Variants in ICA1 observed in about 807,000 individuals in gnomAD.
ICA1 encodes islet cell autoantigen 1.
In ICA1, 40 loss-of-function variants were observed where a neutral mutation model predicts 71.0. The ratio of observed to expected loss-of-function variants is 0.56; its 90% CI spans 0.44 to 0.73. ICA1 has a LOEUF of 0.73. Among genes scored for constraint, ICA1 ranks in the 30% least tolerant of loss-of-function variants. ICA1 has a pLI of 0.00. For synonymous variants in ICA1, 207 were observed against 209.5 expected (o/e 0.99, Z 0.10); for missense variants, 578 against 576.5 (o/e 1.00, Z -0.03).
At chr7:8,229,561 C>A (rs1799627975) in intron 3 of ICA1, among the ~76,000 whole-genome samples, 1 of 152,182 alleles carries the variant, frequency 6.6e-6, no homozygotes, top group Non-Finnish European at 1.5e-5. Context: ...TTCCCTCTTT[C>A]TCTCTCCTAG....
intron 6 of ICA1, 56 bp downstream of exon 6, chr7:8,218,249 C>T (rs1267667499): frequency 3.4e-6 from 5 of 1,465,180 alleles, no homozygotes; most frequent in African/African-American, 2.8e-5. Flanking sequence ...ATTCAAATCA[C>T]ACCTCATTAC....
At chr7:8,236,338 G>A (rs1206624162) in intron 1 of ICA1, among the ~76,000 whole-genome samples, 3 of 152,186 alleles carry the variant, frequency 2.0e-5, no homozygotes, top group African/African-American at 7.2e-5. Flanking sequence ...ATAAGGTGAA[G>A]GTATAAAGAA....
At chr7:8,237,558 T>C (rs1012579292) in intron 1 of ICA1, among the ~76,000 whole-genome samples, 2 of 152,156 alleles carry the variant, frequency 1.3e-5, no homozygotes, top group East Asian at 3.8e-4. Flanking sequence ...TCATCTTGCA[T>C]GATGGAAATT....
rs770492846 is a variant in ICA1, at chr7:8,113,997, C to T, written c.1378G>A (p.Ala460Thr). The T allele has an allele frequency of 3.7e-6, 6 of 1,614,048 alleles. No individual in the cohort carries two copies. The highest frequency in any genetic ancestry group is 3.4e-6 in the Non-Finnish European group (4 of 1,179,972). Residue 460 changes from alanine to threonine, a missense_variant, in exon 14 of 14, where the codon GCT becomes ACT. By Grantham distance (58) the Ala-to-Thr change is moderately conservative. Transcript: ENST00000402384. The surrounding 1 kb of genome is among the most constrained non-coding windows in gnomAD (Gnocchi z 4.2). Reference sequence around the variant, plus strand: ...GGATTTGAGAGTGGGTCGAGGTCAGCGAAGAGGCTGAACCAGGCAGTCAGG... The same window carrying T: ...GGATTTGAGAGTGGGTCGAGGTCAGTGAAGAGGCTGAACCAGGCAGTCAGG... ...SDLTAWFSLF[A>T]DLDPLSNPDA...
intron 1 of ICA1, among the ~76,000 whole-genome samples, chr7:8,242,252 T>C (rs955304186): frequency 6.6e-6 from 1 of 152,172 alleles, no homozygotes; most frequent in African/African-American, 2.4e-5. Context: ...GAATTCAGGA[T>C]TAAGAAACTC....
intron 6 of ICA1, among the ~76,000 whole-genome samples, chr7:8,186,122 C>T (rs1783833345): frequency 6.6e-6 from 1 of 152,122 alleles, no homozygotes; most frequent in African/African-American, 2.4e-5. Flanking sequence ...AAAGGGGAAG[C>T]TTGTGGATAG....
chr7:8,258,397 G>C (rs1810984372), intron 1 of ICA1, among the ~76,000 whole-genome samples: 1 of 152,204 alleles, frequency 6.6e-6, no homozygotes, highest in South Asian at 2.1e-4. Context: ...TTCCCATCAT[G>C]AGTGATGCAG....
intron 1 of ICA1, among the ~76,000 whole-genome samples, chr7:8,237,896 C>T (rs987243581): frequency 6.6e-6 from 1 of 151,810 alleles, no homozygotes; most frequent in African/African-American, 2.4e-5. Context: ...ATTTAGGTTG[C>T]TTTCACATCT....
chr7:8,227,605 CTTTTTT>C, intron 4 of ICA1: 7 of 311,784 alleles, frequency 2.2e-5, no homozygotes, highest in Non-Finnish European at 2.4e-5. Flanking sequence ...AAGTAGTTGT[CTTTTTT>C]TTTTTTTTTT....
At chr7:8,128,492 C>T (rs555151092) in intron 12 of ICA1, among the ~76,000 whole-genome samples, 7 of 152,142 alleles carry the variant, frequency 4.6e-5, no homozygotes, top group South Asian at 2.1e-4. Flanking sequence ...TCCTTGTTTG[C>T]ATAGCTTCCC....
Position 8,173,994 on chromosome 7 carries a change from A to G in ICA1, c.580-15342T>C, listed in dbSNP as rs376170752. Among the ~76,000 whole-genome samples the G allele has an allele frequency of 1.1e-3, 162 of 152,236 alleles. 5 individuals carry two copies. The South Asian group carries it at 0.031, about 29-fold the overall frequency. On this transcript the variant is annotated intron_variant, in intron 6 of 13. Coordinates refer to ENST00000402384, the MANE Select transcript of ICA1 (RefSeq NM_001136020.3). The surrounding 1 kb of genome is among the most constrained non-coding windows in gnomAD (Gnocchi z 4.0). Reference sequence around the variant, plus strand: ...AGAAAGATATGAGTGCAGGGTTTGGAGGGGTAGTAGAGGATTCTGTTTCAT... The same window carrying G: ...AGAAAGATATGAGTGCAGGGTTTGGGGGGGTAGTAGAGGATTCTGTTTCAT...
chr7:8,162,873 C>T (rs1429831826), intron 6 of ICA1, among the ~76,000 whole-genome samples: 3 of 152,208 alleles, frequency 2.0e-5, no homozygotes, highest in Non-Finnish European at 2.9e-5. Flanking sequence ...AAGCAATTCT[C>T]CTGCCTCGGC....
At position 8,128,040 on chromosome 7, in the gene ICA1, C is replaced by T; in HGVS notation, c.1163G>A (p.Gly388Asp). ...AGCGGCCCACTCTTTGCTGAACTCG[C>T]CCTCTTCCAAGGAGGAAGCATTGAA... ...EIFNASSLEE[G>D]EFSKEWAAVF... is the part of the protein sequence containing the mutation. Residue 388 changes from glycine to aspartate, a missense_variant, in exon 13 of 14, where the codon GGC becomes GAC. Gly to Asp is a moderately conservative substitution (Grantham distance 94). Coordinates refer to ENST00000402384, the MANE Select transcript of ICA1 (RefSeq NM_001136020.3). 2 of 1,614,218 alleles carry T rather than the reference C, an allele frequency of 1.2e-6. 1 individual carries two copies. The highest frequency in any genetic ancestry group is 2.2e-5 in the South Asian group (2 of 91,086).
chr7:8,184,527 C>A (rs1783273781), intron 6 of ICA1, among the ~76,000 whole-genome samples: 2 of 152,144 alleles, frequency 1.3e-5, no homozygotes, highest in Non-Finnish European at 2.9e-5. Context: ...CCATGCTCCT[C>A]AGGGAATATA....
chr7:8,235,969 C>A lies in ICA1; in HGVS notation c.-43G>T, dbSNP rs1248168134. 1 of 1,600,200 alleles carries A rather than the reference C, an allele frequency of 6.2e-7. No individual in the cohort carries two copies. The highest frequency in any genetic ancestry group is 1.7e-5 in the Admixed American group (1 of 57,942). On this transcript the variant is annotated 5_prime_UTR_variant, in exon 2 of 14. Coordinates refer to ENST00000402384, the MANE Select transcript of ICA1 (RefSeq NM_001136020.3). The stretch of plus-strand genomic sequence containing the variant: ...TTGTTGATGATTTGGGGAGAAGGGG[C>A]AGGAAAAAAGCATGAGAGGATAAGT...
intron 6 of ICA1, among the ~76,000 whole-genome samples, chr7:8,189,703 G>A (rs1784961742): frequency 6.6e-6 from 1 of 152,208 alleles, no homozygotes; most frequent in South Asian, 2.1e-4. Context: ...CAGTCCGAGG[G>A]GCAGGTGGGC....
intron 13 of ICA1, among the ~76,000 whole-genome samples, chr7:8,116,879 A>C (rs1784957385): frequency 6.6e-6 from 1 of 152,228 alleles, no homozygotes; most frequent in African/African-American, 2.4e-5. Flanking sequence ...TCCCTCGTTA[A>C]CTTTATGCCC....
rs926186054 is a variant in ICA1 at position 8,123,438 on chromosome 7, C to T, written c.1330+4435G>A. Reference sequence around the variant, plus strand: ...GGGGGTGAGGGAGCTGGGGACGCGGCCCAGAGCTTGCACTTCAGTCCTGGT... The same window carrying T: ...GGGGGTGAGGGAGCTGGGGACGCGGTCCAGAGCTTGCACTTCAGTCCTGGT... On this transcript the variant is annotated intron_variant, in intron 13 of 13. Transcript: ENST00000402384. The surrounding 1 kb of genome is among the most constrained non-coding windows in gnomAD (Gnocchi z 4.1). Among the ~76,000 whole-genome samples the T allele has an allele frequency of 6.6e-6, 1 of 151,812 alleles. No homozygotes were observed. Among genetic ancestry groups the T allele is most frequent in the Admixed American group, 6.6e-5 (1 of 15,256 alleles).
At chr7:8,127,750 TAA>T in intron 13 of ICA1, 121 bp downstream of exon 13, 1 of 1,093,148 alleles carries the variant, frequency 9.1e-7, no homozygotes, top group South Asian at 1.6e-5. Flanking sequence ...AGTCTCCAGT[TAA>T]AAAGTCAATA....
Sources: allele counts gnomAD v4.1 joint callset (sites outside exome capture counted in the v4.1 genomes callset), GRCh38; gene constraint gnomAD v4.1.1; non-coding constraint Gnocchi (gnomAD v3.1); transcripts MANE v1.5; gene names NCBI Gene and HGNC (gene_info 2026-07-23, HGNC 2026-07-21).